Variants in MCTP2 observed in about 807,000 individuals in gnomAD.
MCTP2 encodes multiple C2 and transmembrane domain containing 2.
Under a neutral mutation model 111.6 loss-of-function variants are expected in MCTP2, and 132 were observed. The observed-to-expected ratio is 1.18, with a 90% confidence interval of 1.03 to 1.37. The LOEUF (loss-of-function observed/expected upper bound fraction) is 1.37. Ranked by LOEUF, MCTP2 falls within the 40% of genes most tolerant of loss-of-function variation. The probability of loss-of-function intolerance (pLI) is 0.00; values close to 1 mark genes in which losing one functional copy is unlikely to be tolerated. For missense variants in MCTP2, 1,183 were observed against 1,067.9 expected (o/e 1.11, Z -1.50); for synonymous variants, 395 against 387.7 (o/e 1.02, Z -0.22).
At chr15:94,256,107 GCA>G (rs2072751031) in intron 1 of MCTP2, among the ~76,000 whole-genome samples, 1 of 152,148 alleles carries the variant, frequency 6.6e-6, no homozygotes, top group African/African-American at 2.4e-5. Context: ...GCTTTTGAGT[GCA>G]GACATAATGA....
chr15:94,380,462 T>A (rs942168295), intron 12 of MCTP2, among the ~76,000 whole-genome samples: 3 of 152,132 alleles, frequency 2.0e-5, no homozygotes, highest in African/African-American at 7.2e-5. Flanking sequence ...TTAAGCTATA[T>A]GCTTAATAAA....
chr15:94,463,403 T>G (rs1326570553), intron 20 of MCTP2, among the ~76,000 whole-genome samples: 2 of 152,210 alleles, frequency 1.3e-5, no homozygotes, highest in Non-Finnish European at 2.9e-5. Flanking sequence ...ATTTTCTACC[T>G]GTTACTCACA....
intron 17 of MCTP2, among the ~76,000 whole-genome samples, chr15:94,424,381 G>A (rs758071146): frequency 1.3e-5 from 2 of 151,904 alleles, no homozygotes; most frequent in South Asian, 2.1e-4. Context: ...CCTGGTGGAC[G>A]CGTGTAAGAA....
At chr15:94,406,857 TG>T (rs1260882359) in intron 17 of MCTP2, among the ~76,000 whole-genome samples, 300 of 136,038 alleles carry the variant, frequency 2.2e-3, no homozygotes, top group African/African-American at 7.4e-3. Context: ...ACTTTTCAGT[TG>T]TTTTTTTTTT....
rs1200077102 is a variant in MCTP2 at position 94,390,070 on chromosome 15, ATATAT to A, written c.1788+4546_1788+4550del. On this transcript the variant is annotated intron_variant, in intron 14 of 22. Transcript: ENST00000357742. ...AAGGCATATATATATATATATATAT[ATATAT>A]ATATATATATATATGTATATATATA... Among the ~76,000 whole-genome samples, 27 of 11,980 alleles carry A rather than the reference ATATAT, an allele frequency of 2.3e-3. 1 individual carries two copies. The highest frequency in any genetic ancestry group is 3.7e-3 in the African/African-American group (26 of 7,036). 7.9% of individuals were successfully genotyped at this position (11,980 alleles called of 152,430 possible). A position where few individuals can be genotyped will look rare whatever the true frequency, so the allele number is the denominator to read the frequency against.
Position 94,345,270 on chromosome 15 carries a change from G to C in MCTP2, c.1005+106G>C. 12 of 1,138,386 alleles carry C rather than the reference G, an allele frequency of 1.1e-5. 1 individual carries two copies. The South Asian group carries it at 1.6e-4, about 16-fold the overall frequency. 70.5% of individuals were successfully genotyped at this position (1,138,386 alleles called of 1,614,324 possible). ...TATTACCCAATCTTTACATCAAACAGAATTCTTTTCCTCTTACTGCTGTTA... is the reference window on the plus strand; with the variant it reads ...TATTACCCAATCTTTACATCAAACACAATTCTTTTCCTCTTACTGCTGTTA... On this transcript the variant is annotated intron_variant, in intron 8 of 22. Coordinates refer to ENST00000357742, the MANE Select transcript of MCTP2 (RefSeq NM_001385001.1).
intron 15 of MCTP2, 125 bp downstream of exon 15, chr15:94,399,187 G>A: frequency 3.3e-6 from 2 of 613,074 alleles, no homozygotes; most frequent in Non-Finnish European, 5.9e-6. Flanking sequence ...GGAAAGAATA[G>A]TGTTTTAAAG....
At chr15:94,252,887 A>G (rs1294924361) in intron 1 of MCTP2, among the ~76,000 whole-genome samples, 1 of 152,190 alleles carries the variant, frequency 6.6e-6, no homozygotes, top group Non-Finnish European at 1.5e-5. Context: ...AAATTTGATT[A>G]AAAATTAGCA....
chr15:94,447,693 A>C (rs569757944), intron 19 of MCTP2, among the ~76,000 whole-genome samples: 2 of 152,364 alleles, frequency 1.3e-5, no homozygotes, highest in Admixed American at 6.5e-5. Context: ...CGCTTTCTTA[A>C]GAATGTCTAA....
rs117294160 is a variant in MCTP2 at position 94,313,187 on chromosome 15, C to G, written c.466-1095C>G. Among the ~76,000 whole-genome samples, 380 of 152,260 alleles carry G rather than the reference C, an allele frequency of 2.5e-3. 1 individual carries two copies. Among genetic ancestry groups the G allele is most frequent in the Non-Finnish European group, 4.5e-3 (305 of 68,018 alleles). Reference sequence around the variant, plus strand: ...GGAATATCCTCAAATTGCTGGGAGGCCATTTGCCCATGTCCCCCCTCCACT... The same window carrying G: ...GGAATATCCTCAAATTGCTGGGAGGGCATTTGCCCATGTCCCCCCTCCACT... On this transcript the variant is annotated intron_variant, in intron 2 of 22. Coordinates refer to ENST00000357742, the MANE Select transcript of MCTP2 (RefSeq NM_001385001.1).
At chr15:94,473,655 A>G (rs1296038122) in intron 21 of MCTP2, among the ~76,000 whole-genome samples, 1 of 152,178 alleles carries the variant, frequency 6.6e-6, no homozygotes, top group African/African-American at 2.4e-5. Context: ...GGTAGATATT[A>G]ATTCTCTAAG....
intron 1 of MCTP2, among the ~76,000 whole-genome samples, chr15:94,246,082 G>A (rs1011854489): frequency 2.0e-5 from 3 of 152,056 alleles, no homozygotes; most frequent in Admixed American, 6.6e-5. Context: ...CAAAGGCTTG[G>A]GGAGAGGTCG....
chr15:94,432,402 T>C (rs868037001), intron 17 of MCTP2, among the ~76,000 whole-genome samples: 2 of 152,276 alleles, frequency 1.3e-5, no homozygotes, highest in Non-Finnish European at 2.9e-5. Flanking sequence ...TGTACTTATG[T>C]CATCTTAGGT....
chr15:94,340,268 C>T lies in MCTP2; in HGVS notation c.850C>T (p.Leu284Phe), dbSNP rs1313662084. The change falls in exon 6 of 23, where the codon CTT (leucine) becomes TTT (phenylalanine). Residue 284 changes from leucine (L) to phenylalanine (F), a missense_variant. Transcript: ENST00000357742. Reference protein sequence around the residue: ...SAFVILSDLELNRTTEHILKL... With the variant: ...SAFVILSDLEFNRTTEHILKL... ...ATTTGTCATTCTCAGTGATCTTGAG[C>T]TTAACAGGTACCGTATTTTTACATT... 1.2e-6 allele frequency: 2 copies of T among 1,609,856 alleles called. No homozygotes were observed. The highest frequency in any genetic ancestry group is 2.2e-5 in the South Asian group (2 of 90,980).
chr15:94,358,419 G>A, intron 9 of MCTP2, 63 bp from the exon 10 acceptor site: 3 of 1,450,780 alleles, frequency 2.1e-6, no homozygotes, highest in South Asian at 1.3e-5. Context: ...AAATTAATGT[G>A]TAGCTTCTGT....
At chr15:94,438,727 G>A (rs1002188234) in intron 17 of MCTP2, among the ~76,000 whole-genome samples, 19 of 152,090 alleles carry the variant, frequency 1.2e-4, no homozygotes, top group African/African-American at 3.4e-4. Context: ...GTTTATAACA[G>A]ATATGAAAGA....
chr15:94,409,780 G>A (rs145500184), intron 17 of MCTP2, among the ~76,000 whole-genome samples: 212 of 151,684 alleles, frequency 1.4e-3, no homozygotes, highest in African/African-American at 4.9e-3. Context: ...CTAGTACACT[G>A]CTAGATATTG....
intron 1 of MCTP2, among the ~76,000 whole-genome samples, chr15:94,296,698 C>G (rs754116430): frequency 2.6e-5 from 4 of 152,222 alleles, no homozygotes; most frequent in Admixed American, 6.5e-5. Flanking sequence ...TAGGTAATCT[C>G]GTCCCCACTG....
intron 17 of MCTP2, among the ~76,000 whole-genome samples, chr15:94,406,450 A>C (rs561068128): frequency 1.3e-5 from 2 of 152,246 alleles, no homozygotes; most frequent in Non-Finnish European, 2.9e-5. Flanking sequence ...GGGACCAACC[A>C]TACTGATTGT....
Sources: allele counts gnomAD v4.1 joint callset (sites outside exome capture counted in the v4.1 genomes callset), GRCh38; gene constraint gnomAD v4.1.1; transcripts MANE v1.5; gene names NCBI Gene and HGNC (gene_info 2026-07-23, HGNC 2026-07-21).